KAZN: variants seen among roughly 807,000 people sequenced by gnomAD.
KAZN encodes kazrin.
In KAZN, 40 loss-of-function variants were observed where a neutral mutation model predicts 87.4. The observed-to-expected ratio is 0.46, with a 90% CI of 0.36 to 0.60. The LOEUF is 0.60. Among genes scored for constraint, KAZN ranks in the 20% least tolerant of loss-of-function variants. KAZN has a pLI of 0.00. For synonymous variants in KAZN, 466 were observed against 458.3 expected (o/e 1.02, Z -0.22); for missense variants, 898 against 1,073.9 (o/e 0.84, Z 2.29).
chr1:14,284,377 G>A (rs1403125722), intron 2 of KAZN, among the ~76,000 whole-genome samples: 5 of 152,126 alleles, frequency 3.3e-5, no homozygotes, highest in Non-Finnish European at 2.9e-5. Context: ...GCAAGGGAGA[G>A]GAAAGGAGCT....
chr1:14,341,105 C>G (rs1164684734), intron 2 of KAZN, among the ~76,000 whole-genome samples: 2 of 151,924 alleles, frequency 1.3e-5, no homozygotes, highest in East Asian at 3.9e-4. Context: ...GTTGGCCAGG[C>G]TGGTCTCGAA....
chr1:14,358,088 A>G (rs1659188296), intron 2 of KAZN, among the ~76,000 whole-genome samples: 1 of 152,000 alleles, frequency 6.6e-6, no homozygotes, highest in Admixed American at 6.6e-5. Flanking sequence ...TTACTGCCTC[A>G]ATTTCAGTGC....
chr1:14,536,975 G>A (rs1672538534), intron 2 of KAZN, among the ~76,000 whole-genome samples: 1 of 152,146 alleles, frequency 6.6e-6, no homozygotes, highest in South Asian at 2.1e-4. Context: ...TGGTACAATA[G>A]ATGTTCACTA....
chr1:14,498,989 T>C (rs10754858), intron 2 of KAZN, among the ~76,000 whole-genome samples: 130,198 of 152,016 alleles, frequency 0.86, 56,165 homozygotes, highest in Non-Finnish European at 0.9. Flanking sequence ...TGCAGCAGCA[T>C]GGTAAACAGT....
chr1:14,257,039 T>G (rs1650572189), intron 2 of KAZN, among the ~76,000 whole-genome samples: 1 of 152,214 alleles, frequency 6.6e-6, no homozygotes, highest in Non-Finnish European at 1.5e-5. Flanking sequence ...AATGTTTAAT[T>G]ACCCTTTTAA....
intron 2 of KAZN, among the ~76,000 whole-genome samples, chr1:14,534,603 C>T (rs1179154454): frequency 2.0e-5 from 3 of 152,138 alleles, no homozygotes; most frequent in Non-Finnish European, 2.9e-5. Flanking sequence ...CGAGATCGCA[C>T]CACTGCACTC....
intron 1 of KAZN, among the ~76,000 whole-genome samples, chr1:14,153,401 T>A (rs1248877920): frequency 1.3e-5 from 2 of 152,208 alleles, no homozygotes; most frequent in Non-Finnish European, 2.9e-5. Flanking sequence ...TCTAGTTTCA[T>A]TCTTTCGCAT....
intron 1 of KAZN, among the ~76,000 whole-genome samples, chr1:14,727,446 CTTTCTTTTTTTTTT>C (rs1368045009): frequency 9.2e-5 from 4 of 43,438 alleles, no homozygotes; most frequent in East Asian, 8.3e-4. Flanking sequence ...TTATTGTGCA[CTTTCTTTTTTTTTT>C]TTTTTTTTTT....
chr1:14,924,504 C>T, intron 1 of KAZN: 2 of 998,802 alleles, frequency 2.0e-6, no homozygotes, highest in South Asian at 4.5e-5. Flanking sequence ...GTGGACGCGG[C>T]GGGGCCCGGC....
chr1:14,164,533 T>TC (rs1248075311), intron 1 of KAZN, among the ~76,000 whole-genome samples: 1 of 136,350 alleles, frequency 7.3e-6, no homozygotes, highest in Non-Finnish European at 1.6e-5. Flanking sequence ...GTGAGTTTCC[T>TC]CTTTTTTTTT....
At chr1:14,782,850 T>TTCA (rs1359465916) in intron 1 of KAZN, among the ~76,000 whole-genome samples, 6 of 152,212 alleles carry the variant, frequency 3.9e-5, no homozygotes, top group African/African-American at 1.2e-4. Flanking sequence ...TGCAAATGTT[T>TTCA]TCATTACAGA....
intron 1 of KAZN, among the ~76,000 whole-genome samples, chr1:14,811,667 G>A (rs762111106): frequency 3.3e-5 from 5 of 152,140 alleles, no homozygotes; most frequent in Admixed American, 6.5e-5. Flanking sequence ...TAAAGCACAC[G>A]TTGTTCTCAT....
intron 2 of KAZN, among the ~76,000 whole-genome samples, chr1:14,491,970 G>A (rs1275662795): frequency 6.6e-6 from 1 of 152,152 alleles, no homozygotes; most frequent in Non-Finnish European, 1.5e-5. Context: ...GTCTCGAGCA[G>A]TAAGACATTT....
chr1:14,726,624 C>T (rs1372342844), intron 1 of KAZN, among the ~76,000 whole-genome samples: 2 of 152,188 alleles, frequency 1.3e-5, no homozygotes, highest in African/African-American at 4.8e-5. Flanking sequence ...CATAGAACAA[C>T]AACAAAAGCG....
chr1:14,363,694 G>A (rs1659711719), intron 2 of KAZN, among the ~76,000 whole-genome samples: 1 of 152,120 alleles, frequency 6.6e-6, no homozygotes, highest in South Asian at 2.1e-4. Context: ...AGCAAAAGAT[G>A]GCTTTAACAT....
Position 14,395,934 on chromosome 1 carries a change from C to T in KAZN, c.250-203049C>T, listed in dbSNP as rs942860127. Among the ~76,000 whole-genome samples the T allele has an allele frequency of 4.2e-4, 64 of 151,848 alleles. 1 individual carries two copies. Among genetic ancestry groups the T allele is most frequent in the African/African-American group, 1.4e-3 (56 of 41,302 alleles). On this transcript the variant is annotated intron_variant, in intron 2 of 16. Coordinates refer to the KAZN transcript ENST00000636203. The stretch of plus-strand genomic sequence containing the variant: ...CTGTAATCCCAGCACTTTGGGAGGC[C>T]GAGGCAGGTAGATCACGAGGTCAGA...
intron 3 of KAZN, among the ~76,000 whole-genome samples, chr1:15,038,821 C>G (rs1387209119): frequency 3.0e-5 from 3 of 99,202 alleles, no homozygotes; most frequent in African/African-American, 1.4e-4. Context: ...TGTGCACCTA[C>G]TATATACAGA....
At chr1:14,671,400 C>T (rs1639907406) in intron 1 of KAZN, among the ~76,000 whole-genome samples, 1 of 152,176 alleles carries the variant, frequency 6.6e-6, no homozygotes, top group South Asian at 2.1e-4. Context: ...TTTGGAGAAA[C>T]AGAAAGGAGG....
At chr1:14,395,331 T>C (rs1361784657) in intron 2 of KAZN, among the ~76,000 whole-genome samples, 2 of 152,204 alleles carry the variant, frequency 1.3e-5, no homozygotes, top group Non-Finnish European at 2.9e-5. Flanking sequence ...AACATTCTGC[T>C]TTCCACCTCC....
Sources: gnomAD v4.1 joint callset for allele counts (sites outside exome capture counted in the v4.1 genomes callset) on GRCh38, gnomAD v4.1.1 for gene constraint, MANE v1.5 for transcripts, NCBI Gene and HGNC (gene_info 2026-07-23, HGNC 2026-07-21) for gene names.